Variants in HAUS5 observed in about 807,000 individuals in gnomAD.
HAUS5 encodes HAUS augmin-like complex subunit 5.
Under a neutral mutation model 94.1 loss-of-function variants are expected in HAUS5, and 67 were observed. The ratio of observed to expected loss-of-function variants is 0.71; its 90% CI spans 0.58 to 0.87. The LOEUF (loss-of-function observed/expected upper bound fraction) is 0.87, where lower values mean the gene tolerates loss of function less well. HAUS5 is among the 40% of genes least tolerant of loss of function. The pLI is 0.00. For missense variants in HAUS5, 739 were observed against 825.6 expected (o/e 0.90, Z 1.29); for synonymous variants, 339 against 355.4 (o/e 0.95, Z 0.52).
chr19:35,613,627 T>G, intron 1 of HAUS5, 103 bp from the exon 2 acceptor site: 2 of 948,590 alleles, frequency 2.1e-6, no homozygotes. Flanking sequence ...CCTCAAGAAG[T>G]GAGAACTCCC....
chr19:35,612,997 C>A (rs2146332857), intron 1 of HAUS5, 105 bp downstream of exon 1: 3 of 818,792 alleles, frequency 3.7e-6, no homozygotes, highest in South Asian at 2.0e-5. Context: ...AATTCCCCAT[C>A]GAGAGTGACC....
At chr19:35,620,441 G>T in intron 17 of HAUS5, 114 bp downstream of exon 17, 1 of 903,350 alleles carries the variant, frequency 1.1e-6, no homozygotes, top group South Asian at 1.7e-5. Flanking sequence ...GTGTGCTAAG[G>T]GCTTTAAACA....
At position 35,620,232 on chromosome 19, in the gene HAUS5, GC is replaced by G; in HGVS notation, c.1558del (p.Gln520ArgfsTer20). 6.2e-7 allele frequency: 1 copy of G among 1,613,536 alleles called. No homozygotes were observed. The highest frequency in any genetic ancestry group is 8.5e-7 in the Non-Finnish European group (1 of 1,179,908). On this transcript the variant is annotated frameshift_variant, in exon 17 of 19. Transcript: ENST00000203166. LOFTEE classifies it high-confidence loss of function. ...ELLLPAAASL[R>X]QDLLLLQDQR... ...CTCCTGCCGGCGGCTGCCTCTCTTCGCCAGGACCTTCTGCTCCTGCAGGACC... is the reference window on the plus strand; with the variant it reads ...CTCCTGCCGGCGGCTGCCTCTCTTCGCAGGACCTTCTGCTCCTGCAGGACC...
chr19:35,618,748 G>A lies in HAUS5; in HGVS notation c.1016+49G>A, dbSNP rs776210015. ...TCTCTAGGCCATCTCGCTTCTGAGT[G>A]TCTCAGCCCATTGGACTTTTTCAGC... is the stretch of plus-strand genomic sequence containing the variant. On this transcript the variant is annotated intron_variant, in intron 12 of 18. Coordinates refer to ENST00000203166, the MANE Select transcript of HAUS5 (RefSeq NM_015302.2). The A allele has an allele frequency of 3.2e-6, 5 of 1,541,330 alleles. No individual in the cohort carries two copies. In the South Asian group the frequency reaches 3.7e-5, roughly 11 times the overall value.
Position 35,618,609 on chromosome 19 carries a change from G to A in HAUS5, c.926G>A (p.Ser309Asn), listed in dbSNP as rs1967147227. The A allele has an allele frequency of 1.2e-6, 2 of 1,607,352 alleles. No homozygotes were observed. The highest frequency in any genetic ancestry group is 8.5e-7 in the Non-Finnish European group (1 of 1,174,910). Reference protein sequence around the residue: ...RTVGVLVSQRSTLLKERQVLT... With the variant: ...RTVGVLVSQRNTLLKERQVLT... ...GTGGGTGTGCTGGTCTCCCAGCGGA[G>A]CACCCTCCTGAAGGAGCGGCAAGTC... Residue 309 changes from serine to asparagine, a missense_variant, in exon 12 of 19, where the codon AGC becomes AAC. Coordinates refer to ENST00000203166, the MANE Select transcript of HAUS5 (RefSeq NM_015302.2).
At position 35,619,606 on chromosome 19, in the gene HAUS5, C is replaced by T. The variant is rs1416474996; in HGVS notation, c.1261-7C>T. 2 of 1,442,650 alleles carry T rather than the reference C, an allele frequency of 1.4e-6. No individual in the cohort carries two copies. The highest frequency in any genetic ancestry group is 1.9e-6 in the Non-Finnish European group (2 of 1,043,824). The allele number at this position is 1,442,650 out of a possible 1,614,324, so 89.4% of individuals were successfully genotyped here. A position where few individuals can be genotyped will look rare whatever the true frequency, so the allele number is the denominator to read the frequency against. ...GATGCCCCACCCACCCCTCCCCTTC[C>T]CCACAGGTGCTAGCTCTGGTCCAGC... On this transcript the variant is annotated splice_polypyrimidine_tract_variant and splice_region_variant and intron_variant, in intron 14 of 18. Coordinates refer to ENST00000203166, the MANE Select transcript of HAUS5 (RefSeq NM_015302.2).
chr19:35,618,803 C>T, intron 12 of HAUS5, 84 bp from the exon 13 acceptor site: 1 of 1,520,876 alleles, frequency 6.6e-7, no homozygotes, highest in South Asian at 1.3e-5. Flanking sequence ...GCCTCCTCTC[C>T]CTGCAGTGTC....
rs748280739 is a variant in HAUS5, at chr19:35,619,662, C to T, written c.1310C>T (p.Ala437Val). 6.2e-5 allele frequency: 88 copies of T among 1,429,502 alleles called. No homozygotes were observed. The highest frequency in any genetic ancestry group is 8.0e-5 in the Admixed American group (4 of 50,060). 88.6% of individuals were successfully genotyped at this position (1,429,502 alleles called of 1,614,324 possible). Residue 437 changes from alanine (A) to valine (V), a missense_variant, in exon 15 of 19, where the codon GCA becomes GTA. Ala to Val is a moderately conservative substitution (Grantham distance 64). Coordinates refer to ENST00000203166, the MANE Select transcript of HAUS5 (RefSeq NM_015302.2). ...RKVVPTFEAV[A>V]PQSRELLRCL... ...GTGGTCCCTACATTTGAGGCAGTGGCACCACAGAGCCGGGAGCTGCTGCGC... is the reference window on the plus strand; with the variant it reads ...GTGGTCCCTACATTTGAGGCAGTGGTACCACAGAGCCGGGAGCTGCTGCGC...
chr19:35,621,708 C>T (rs1967211673), intron 17 of HAUS5, among the ~76,000 whole-genome samples: 2 of 152,174 alleles, frequency 1.3e-5, no homozygotes, highest in African/African-American at 4.8e-5. Flanking sequence ...AATCCCCCCA[C>T]CCTCACCAGC....
At chr19:35,620,549 T>C (rs1256385427) in intron 17 of HAUS5, among the ~76,000 whole-genome samples, 1 of 152,134 alleles carries the variant, frequency 6.6e-6, no homozygotes, top group Non-Finnish European at 1.5e-5. Context: ...GGTTAGTAGG[T>C]TGCCCAAATG....
Position 35,615,240 on chromosome 19 carries a change from G to T in HAUS5, c.339G>T (p.Glu113Asp). 1 of 1,614,036 alleles carries T rather than the reference G, an allele frequency of 6.2e-7. No homozygotes were observed. The highest frequency in any genetic ancestry group is 8.5e-7 in the Non-Finnish European group (1 of 1,179,990). ...TTCCTCCCACAGACACGGCCATGGA[G>T]CAGGCACGTCAGCACACTCAAGACA... is the stretch of plus-strand genomic sequence containing the variant. ...RDTEAQDTAMEQARQHTQDTQ... is the reference protein window; with the variant it reads ...RDTEAQDTAMDQARQHTQDTQ... Residue 113 changes from glutamate (E) to aspartate (D), a missense_variant, in exon 6 of 19, where the codon GAG becomes GAT. Transcript: ENST00000203166.
chr19:35,613,654 C>A, intron 1 of HAUS5, 76 bp from the exon 2 acceptor site: 2 of 1,364,952 alleles, frequency 1.5e-6, no homozygotes, highest in Non-Finnish European at 2.1e-6. Flanking sequence ...AAACTCCCTA[C>A]CACCATCACC....
In HAUS5 at chr19:35,615,217, C is replaced by T. The variant is rs1205348137; in HGVS notation, c.326-10C>T. 3.7e-6 allele frequency: 6 copies of T among 1,613,572 alleles called. No homozygotes were observed. The highest frequency in any genetic ancestry group is 4.5e-5 in the East Asian group (2 of 44,868). ...AAAGGTGCTGATGGCCACCCCTGTTCCTCCCACAGACACGGCCATGGAGCA... is the reference window on the plus strand; with the variant it reads ...AAAGGTGCTGATGGCCACCCCTGTTTCTCCCACAGACACGGCCATGGAGCA... On this transcript the variant is annotated splice_polypyrimidine_tract_variant and intron_variant, in intron 5 of 18. Transcript: ENST00000203166.
intron 14 of HAUS5, 29 bp downstream of exon 14, chr19:35,619,533 G>C: frequency 6.2e-7 from 1 of 1,608,582 alleles, no homozygotes; most frequent in Non-Finnish European, 8.5e-7. Flanking sequence ...TGAGGTCTGG[G>C]TAGGGCTGGA....
In HAUS5 at chr19:35,618,066, C is replaced by G. The variant is rs148087224; in HGVS notation, c.697-5C>G. ...CTGCCCTGACTTCACCCTCCCTCCCCCTAGACGCTGCTGACAAACCACCCC... is the reference window on the plus strand; with the variant it reads ...CTGCCCTGACTTCACCCTCCCTCCCGCTAGACGCTGCTGACAAACCACCCC... On this transcript the variant is annotated splice_polypyrimidine_tract_variant and splice_region_variant and intron_variant, in intron 9 of 18. Coordinates refer to ENST00000203166, the MANE Select transcript of HAUS5 (RefSeq NM_015302.2). 155 of 1,590,418 alleles carry G rather than the reference C, an allele frequency of 9.7e-5. No individual in the cohort carries two copies. In the African/African-American group the frequency reaches 1.2e-3, roughly 12 times the overall value.
chr19:35,621,291 C>A (rs1365979557), intron 17 of HAUS5, among the ~76,000 whole-genome samples: 4 of 152,150 alleles, frequency 2.6e-5, no homozygotes, highest in Non-Finnish European at 1.5e-5. Flanking sequence ...CGGCCTCTGC[C>A]CACCTCAGCC....
At position 35,622,701 on chromosome 19, in the gene HAUS5, A is replaced by G; in HGVS notation, c.1752A>G (p.Arg584=). The part of the protein sequence containing the change: ...LEKLLKQALE[R]IPELQGIVGD... ...AGCTACTGAAACAGGCACTGGAGCG[A>G]ATCCCTGAGCTGCAGGGGATCGTGG... Residue 584 remains arginine (R), a synonymous_variant, in exon 18 of 19, where the codon CGA becomes CGG. Coordinates refer to ENST00000203166, the MANE Select transcript of HAUS5 (RefSeq NM_015302.2). The G allele has an allele frequency of 6.2e-7, 1 of 1,614,138 alleles. No individual in the cohort carries two copies. Among genetic ancestry groups the G allele is most frequent in the Non-Finnish European group, 8.5e-7 (1 of 1,180,014 alleles).
rs1159629442 is a variant in HAUS5 at position 35,619,680 on chromosome 19, T to C, written c.1328T>C (p.Leu443Pro). Reference protein sequence around the residue: ...FEAVAPQSRELLRCLEEEVRH... With the variant: ...FEAVAPQSREPLRCLEEEVRH... The stretch of plus-strand genomic sequence containing the variant: ...GCAGTGGCACCACAGAGCCGGGAGC[T>C]GCTGCGCTGTCTGGAGGAGGAAGTC... The change falls in exon 15 of 19, where the codon CTG (leucine) becomes CCG (proline). Residue 443 changes from leucine (L) to proline (P), a missense_variant. Leu to Pro is a moderately conservative substitution (Grantham distance 98). Coordinates refer to ENST00000203166, the MANE Select transcript of HAUS5 (RefSeq NM_015302.2). 1 of 1,580,058 alleles carries C rather than the reference T, an allele frequency of 6.3e-7. No homozygotes were observed.
chr19:35,621,883 G>C (rs1378716825), intron 17 of HAUS5, among the ~76,000 whole-genome samples: 3 of 152,186 alleles, frequency 2.0e-5, no homozygotes, highest in South Asian at 2.1e-4. Flanking sequence ...GGCCCAGCTT[G>C]TCTGATCACG....
Sources: gnomAD v4.1 joint callset for allele counts (sites outside exome capture counted in the v4.1 genomes callset) on GRCh38, gnomAD v4.1.1 for gene constraint, MANE v1.5 for transcripts, NCBI Gene and HGNC (gene_info 2026-07-23, HGNC 2026-07-21) for gene names.